The following PTPRS variants were observed in gnomAD, a reference collection of about 807,000 sequenced individuals.
PTPRS encodes protein tyrosine phosphatase receptor type S.
A neutral mutation model predicts 215.3 loss-of-function variants in PTPRS; 63 were observed. The observed-to-expected ratio is 0.29, with a 90% CI of 0.24 to 0.36. The LOEUF (loss-of-function observed/expected upper bound fraction) is 0.36, where lower values mean the gene tolerates loss of function less well. PTPRS is among the 10% of genes least tolerant of loss of function. PTPRS has a pLI of 1.00. For synonymous variants in PTPRS, 1,404 were observed against 1,191.4 expected (o/e 1.18, Z -3.68); for missense variants, 2,258 against 2,825.8 (o/e 0.80, Z 4.56).
rs1212682730 is a variant in PTPRS at position 5,206,563 on chromosome 19, C to T, written c.*211G>A. The T allele has an allele frequency of 4.3e-5, 19 of 437,602 alleles. No individual in the cohort carries two copies. The highest frequency in any genetic ancestry group is 1.6e-4 in the Admixed American group (4 of 25,278). The allele number at this position is 437,602 out of a possible 1,614,324, so 27.1% of individuals were successfully genotyped here. ...GAGGAATGTGCCAAGTATTTGAAGG[C>T]GGCGGCCGGTGCCAGGGAGGTCGCT... On this transcript the variant is annotated 3_prime_UTR_variant, in exon 38 of 38. Transcript: ENST00000262963.
intron 1 of PTPRS, among the ~76,000 whole-genome samples, chr19:5,303,619 G>T (rs766011163): frequency 2.6e-5 from 4 of 152,080 alleles, no homozygotes; most frequent in African/African-American, 7.2e-5. Context: ...CTGGTCCAGA[G>T]AGCGGGCAGA....
At position 5,293,593 on chromosome 19, in the gene PTPRS, T is replaced by C. The variant is rs910973549; in HGVS notation, c.-94-7359A>G. Among the ~76,000 whole-genome samples, 3 of 152,094 alleles carry C rather than the reference T, an allele frequency of 2.0e-5. No individual in the cohort carries two copies. Among genetic ancestry groups the C allele is most frequent in the Non-Finnish European group, 4.4e-5 (3 of 68,000 alleles). ...TAGCCATGGCAACGCATGAGGAGGC[T>C]GGATGCCGGACAGGGCGGCGGAGGG... On this transcript the variant is annotated intron_variant, in intron 1 of 37. Coordinates refer to ENST00000262963, the MANE Select transcript of PTPRS (RefSeq NM_002850.4). This position sits in a 1 kb window ranked among gnomAD's most constrained non-coding sequence, Gnocchi z 8.4.
rs35505548 is a variant in PTPRS at position 5,310,318 on chromosome 19, C to CT, written c.-94-24085dup. ...CCAATTCCTCTAGCTTTTTTCTTTTCTTTTTTTTTTTTTTTTTGAGATGGA... is the reference window on the plus strand; with the variant it reads ...CCAATTCCTCTAGCTTTTTTCTTTTCTTTTTTTTTTTTTTTTTTGAGATGGA... On this transcript the variant is annotated intron_variant, in intron 1 of 37. Coordinates refer to ENST00000262963, the MANE Select transcript of PTPRS (RefSeq NM_002850.4). Among the ~76,000 whole-genome samples the CT allele has an allele frequency of 8.2e-3, 1,103 of 134,280 alleles. 5 individuals carry two copies. Among genetic ancestry groups the CT allele is most frequent in the East Asian group, 0.011 (52 of 4,634 alleles). The allele number at this position is 134,280 out of a possible 152,430, so 88.1% of individuals were successfully genotyped here.
intron 9 of PTPRS, among the ~76,000 whole-genome samples, chr19:5,253,568 T>C (rs1168886051): frequency 6.6e-6 from 1 of 152,026 alleles, no homozygotes; most frequent in East Asian, 1.9e-4. Flanking sequence ...GTGGGGAAAA[T>C]GAGAGCTATG....
intron 13 of PTPRS, among the ~76,000 whole-genome samples, 189 bp downstream of exon 13, chr19:5,238,713 CATGCTGAGACCCTCGCT>C (rs2043703514): frequency 6.6e-6 from 1 of 152,246 alleles, no homozygotes; most frequent in Admixed American, 6.5e-5. Flanking sequence ...CAGACAACCC[CATGCTGAGACCCTCGCT>C]GTGCTGATGG....
chr19:5,332,733 C>T (rs902949135), intron 1 of PTPRS, among the ~76,000 whole-genome samples: 6 of 152,248 alleles, frequency 3.9e-5, no homozygotes, highest in African/African-American at 1.4e-4. Context: ...GTTGCTCTCC[C>T]TCTCTGGGCC....
chr19:5,243,766 C>A, intron 11 of PTPRS, 135 bp downstream of exon 11: 1 of 884,764 alleles, frequency 1.1e-6, no homozygotes, highest in Non-Finnish European at 1.6e-6. Flanking sequence ...ACCACCACAC[C>A]CGGCCTAAAT....
At chr19:5,241,653 G>A (rs1044067583) in intron 11 of PTPRS, among the ~76,000 whole-genome samples, 8 of 151,864 alleles carry the variant, frequency 5.3e-5, no homozygotes. Context: ...AGTGCCAACC[G>A]TCCCGGCCCT....
chr19:5,222,286 T>C (rs886568834), intron 18 of PTPRS, 66 bp from the exon 19 acceptor site: 5 of 1,376,048 alleles, frequency 3.6e-6, no homozygotes, highest in African/African-American at 1.4e-5. Context: ...TGGCACTGGG[T>C]GGCGTGAAGC....
chr19:5,328,990 T>C (rs7256271), intron 1 of PTPRS, among the ~76,000 whole-genome samples: 95,982 of 152,022 alleles, frequency 0.63, 31,247 homozygotes, highest in African/African-American at 0.79. Context: ...GGCCAGGCGG[T>C]AGCTCCCAGG....
intron 20 of PTPRS, 27 bp from the exon 21 acceptor site, chr19:5,220,380 G>A: frequency 1.3e-6 from 2 of 1,587,770 alleles, no homozygotes; most frequent in Non-Finnish European, 1.7e-6. Flanking sequence ...AAGAGTCAGA[G>A]GGGCTGTCGA....
chr19:5,340,079 G>T (rs1192597181), intron 1 of PTPRS, among the ~76,000 whole-genome samples: 1 of 151,872 alleles, frequency 6.6e-6, no homozygotes, highest in Non-Finnish European at 1.5e-5. Flanking sequence ...GGGTCTCCAG[G>T]GGAGGGAGAC....
At chr19:5,330,609 C>T (rs527601147) in intron 1 of PTPRS, among the ~76,000 whole-genome samples, 176 of 152,320 alleles carry the variant, frequency 1.2e-3, no homozygotes, top group Non-Finnish European at 2.0e-3. Flanking sequence ...CAATGTGACA[C>T]CACTGAATTC....
At chr19:5,337,787 T>C (rs1479302799) in intron 1 of PTPRS, among the ~76,000 whole-genome samples, 1 of 151,910 alleles carries the variant, frequency 6.6e-6, no homozygotes, top group Non-Finnish European at 1.5e-5. Flanking sequence ...ATGGTGGAAA[T>C]TGGGGGAAAA....
intron 9 of PTPRS, among the ~76,000 whole-genome samples, chr19:5,252,611 G>A (rs932464313): frequency 3.4e-5 from 5 of 148,056 alleles, no homozygotes; most frequent in African/African-American, 1.2e-4. Context: ...CGAGTGTGGT[G>A]GCTCACACCT....
intron 9 of PTPRS, among the ~76,000 whole-genome samples, chr19:5,253,740 T>G (rs1160887562): frequency 1.3e-5 from 2 of 152,218 alleles, no homozygotes; most frequent in African/African-American, 4.8e-5. Context: ...TGCCATCTTA[T>G]TCAAACAGTG....
intron 9 of PTPRS, among the ~76,000 whole-genome samples, chr19:5,255,125 C>T (rs1374178009): frequency 6.6e-6 from 1 of 152,242 alleles, no homozygotes; most frequent in African/African-American, 2.4e-5. Flanking sequence ...AGGATGGGAA[C>T]ATGCCTGCTT....
chr19:5,337,118 TCCGA>T (rs1441078400), intron 1 of PTPRS, among the ~76,000 whole-genome samples: 1 of 152,182 alleles, frequency 6.6e-6, no homozygotes, highest in Non-Finnish European at 1.5e-5. Context: ...TTCCCGTGGC[TCCGA>T]CCGACTCTGC....
intron 1 of PTPRS, among the ~76,000 whole-genome samples, chr19:5,334,888 G>A (rs2050442933): frequency 6.6e-6 from 1 of 152,306 alleles, no homozygotes; most frequent in East Asian, 1.9e-4. Context: ...AGACAAGGAT[G>A]CTACTGACTT....
Sources: allele counts gnomAD v4.1 joint callset (sites outside exome capture counted in the v4.1 genomes callset), GRCh38; gene constraint gnomAD v4.1.1; non-coding constraint Gnocchi (gnomAD v3.1); transcripts MANE v1.5; gene names NCBI Gene and HGNC (gene_info 2026-07-23, HGNC 2026-07-21).